RTN4RL1: variants seen among roughly 807,000 people sequenced by gnomAD.
RTN4RL1 encodes reticulon-4 receptor-like 1.
A neutral mutation model predicts 25.6 loss-of-function variants in RTN4RL1; 7 were observed. That is an observed-to-expected ratio of 0.27 (90% CI 0.16 to 0.51). RTN4RL1 has a LOEUF of 0.51. RTN4RL1 is among the 20% of genes least tolerant of loss of function. The pLI is 0.97. For synonymous variants in RTN4RL1, 297 were observed against 288.2 expected, an observed-to-expected ratio of 1.03 and a Z score of -0.31; for missense variants, 500 against 615.6, an observed-to-expected ratio of 0.81 and a Z score of 1.99.
chr17:1,964,945 C>T (rs866479108), intron 1 of RTN4RL1, among the ~76,000 whole-genome samples: 2 of 149,290 alleles, frequency 1.3e-5, no homozygotes, highest in Non-Finnish European at 3.0e-5. Flanking sequence ...TGCGCCACCA[C>T]GCCTGGCTAA....
intron 1 of RTN4RL1, among the ~76,000 whole-genome samples, chr17:1,978,636 G>T (rs1032299412): frequency 1.3e-5 from 2 of 152,090 alleles, no homozygotes; most frequent in Non-Finnish European, 2.9e-5. Context: ...CGGAAAATGG[G>T]GGGGGTGGAG....
chr17:2,002,055 G>A (rs1467436533), intron 1 of RTN4RL1, among the ~76,000 whole-genome samples: 4 of 151,430 alleles, frequency 2.6e-5, no homozygotes, highest in African/African-American at 4.9e-5. Context: ...GAGAGACGCA[G>A]GGAGCTGACA....
chr17:1,961,663 C>T (rs2066761978), intron 1 of RTN4RL1, among the ~76,000 whole-genome samples: 1 of 150,934 alleles, frequency 6.6e-6, no homozygotes, highest in African/African-American at 2.4e-5. Flanking sequence ...CGCGGTGGCT[C>T]ATGCCTGTAA....
intron 1 of RTN4RL1, among the ~76,000 whole-genome samples, chr17:1,940,814 TCTGCCAC>T (rs1915423592): frequency 6.6e-6 from 1 of 152,116 alleles, no homozygotes; most frequent in South Asian, 2.1e-4. Context: ...GCCGCCCCGC[TCTGCCAC>T]CCTGAGGGAG....
chr17:1,972,335 T>TAAAA (rs11400196), intron 1 of RTN4RL1, among the ~76,000 whole-genome samples: 3 of 148,680 alleles, frequency 2.0e-5, no homozygotes, highest in Non-Finnish European at 3.0e-5. Flanking sequence ...AATAAAAATT[T>TAAAA]AAAAAAAAAA....
rs1915280268 is a variant in RTN4RL1, at chr17:1,935,698, A to T, written c.*798T>A. On this transcript the variant is annotated 3_prime_UTR_variant, in exon 2 of 2. Coordinates refer to ENST00000331238, the MANE Select transcript of RTN4RL1 (RefSeq NM_178568.4). ...AGTTAGGTAACGGAGTGGGAGGGGG[A>T]CTGTGCATTTGTGTATATATATATA... The T allele has an allele frequency of 2.9e-6, 2 of 697,466 alleles. No individual in the cohort carries two copies. Among genetic ancestry groups the T allele is most frequent in the African/African-American group, 2.6e-5 (1 of 38,294 alleles). The allele number at this position is 697,466 out of a possible 1,614,324, so 43.2% of individuals were successfully genotyped here. A position where few individuals can be genotyped will look rare whatever the true frequency, so the allele number is the denominator to read the frequency against.
intron 1 of RTN4RL1, among the ~76,000 whole-genome samples, chr17:2,002,778 A>C (rs1172563414): frequency 6.6e-6 from 1 of 152,088 alleles, no homozygotes; most frequent in African/African-American, 2.4e-5. Context: ...GGGCAGAGGG[A>C]AAGTCAGGTC....
intron 1 of RTN4RL1, among the ~76,000 whole-genome samples, chr17:1,990,185 C>T (rs2066903243): frequency 6.6e-6 from 1 of 151,986 alleles, no homozygotes; most frequent in Non-Finnish European, 1.5e-5. Flanking sequence ...CACGGTGAAA[C>T]CCCATCTCTG....
rs1201821853 is a variant in RTN4RL1 at position 1,935,799 on chromosome 17, T to G, written c.*697A>C. The G allele has an allele frequency of 2.0e-6, 2 of 976,200 alleles. No homozygotes were observed. Among genetic ancestry groups the G allele is most frequent in the South Asian group, 4.8e-5 (1 of 20,968 alleles). The allele number at this position is 976,200 out of a possible 1,614,324, so 60.5% of individuals were successfully genotyped here. On this transcript the variant is annotated 3_prime_UTR_variant, in exon 2 of 2. Coordinates refer to ENST00000331238, the MANE Select transcript of RTN4RL1 (RefSeq NM_178568.4). ...AAGTGGACGTAGTTAGTTATAAAAC[T>G]GCACCTTCTGTGAGAACCTCATTGC...
chr17:2,023,074 T>A (rs1015553495), intron 1 of RTN4RL1, among the ~76,000 whole-genome samples: 2 of 152,280 alleles, frequency 1.3e-5, no homozygotes, highest in African/African-American at 4.8e-5. Flanking sequence ...TTTTTAACTA[T>A]AAACTGCCAA....
intron 1 of RTN4RL1, among the ~76,000 whole-genome samples, chr17:1,960,346 T>A (rs902873469): frequency 6.6e-6 from 1 of 152,148 alleles, no homozygotes; most frequent in African/African-American, 2.4e-5. Context: ...ATCATGTTAC[T>A]TTCCTGCTCG....
Position 2,025,182 on chromosome 17 carries a change from G to C in RTN4RL1, c.-317C>G. On this transcript the variant is annotated 5_prime_UTR_variant, in exon 1 of 2. Transcript: ENST00000331238. The surrounding 1 kb of genome is among the most constrained non-coding windows in gnomAD (Gnocchi z 4.8). ...CCCGGAGCACTTCGCAGGCGGTTTT[G>C]AGGGGGGACGCCGCCCCCTGGCCGG... is the stretch of plus-strand genomic sequence containing the variant. 1 of 250,608 alleles carries C rather than the reference G, an allele frequency of 4.0e-6. No individual in the cohort carries two copies. The highest frequency in any genetic ancestry group is 7.6e-6 in the Non-Finnish European group (1 of 131,342). The allele number at this position is 250,608 out of a possible 1,614,324, so 15.5% of individuals were successfully genotyped here.
intron 1 of RTN4RL1, among the ~76,000 whole-genome samples, chr17:1,997,700 C>G (rs1289001848): frequency 1.3e-5 from 2 of 152,166 alleles, no homozygotes; most frequent in Non-Finnish European, 2.9e-5. Context: ...CAGCCTCCCT[C>G]TAGGGCACCC....
At chr17:1,941,148 T>C (rs994549629) in intron 1 of RTN4RL1, among the ~76,000 whole-genome samples, 2 of 152,152 alleles carry the variant, frequency 1.3e-5, no homozygotes, top group Non-Finnish European at 2.9e-5. Flanking sequence ...TGGCTATCTC[T>C]GTAAGGTCCA....
chr17:1,961,696 T>A (rs1345788129), intron 1 of RTN4RL1, among the ~76,000 whole-genome samples: 1 of 141,148 alleles, frequency 7.1e-6, no homozygotes, highest in Non-Finnish European at 1.5e-5. Context: ...GGGAGGCCGA[T>A]GCGGGCAGAT....
chr17:1,936,065 C>T lies in RTN4RL1; in HGVS notation c.*431G>A, dbSNP rs1405991956. On this transcript the variant is annotated 3_prime_UTR_variant, in exon 2 of 2. Coordinates refer to ENST00000331238, the MANE Select transcript of RTN4RL1 (RefSeq NM_178568.4). The stretch of plus-strand genomic sequence containing the variant: ...GCCCAGACTGCTGGCCACCCAGCCT[C>T]GTGGGTGAGCCTCATTTGTTCTTCT... 20 of 996,770 alleles carry T rather than the reference C, an allele frequency of 2.0e-5. No individual in the cohort carries two copies. Among genetic ancestry groups the T allele is most frequent in the Non-Finnish European group, 2.3e-5 (19 of 837,176 alleles). 61.7% of individuals were successfully genotyped at this position (996,770 alleles called of 1,614,324 possible). A position where few individuals can be genotyped will look rare whatever the true frequency, so the allele number is the denominator to read the frequency against.
chr17:1,979,415 T>C (rs1181486710), intron 1 of RTN4RL1, among the ~76,000 whole-genome samples: 9 of 151,850 alleles, frequency 5.9e-5, no homozygotes, highest in Admixed American at 3.9e-4. Flanking sequence ...AGGTCAAGGC[T>C]GCAATGAGCT....
intron 1 of RTN4RL1, among the ~76,000 whole-genome samples, chr17:1,983,010 G>A (rs2066873948): frequency 6.6e-6 from 1 of 152,094 alleles, no homozygotes; most frequent in Non-Finnish European, 1.5e-5. Context: ...GGGCCATTTG[G>A]TGGTGGAGCT....
rs58785478 is a variant in RTN4RL1 at position 1,935,711 on chromosome 17, GTATATATATATA to G, written c.*773_*784del. 1,446 of 159,752 alleles carry G rather than the reference GTATATATATATA, an allele frequency of 9.1e-3. 142 individuals are homozygous for G. The highest frequency in any genetic ancestry group is 0.025 in the Middle Eastern group (6 of 244). The allele number at this position is 159,752 out of a possible 1,614,324, so 9.9% of individuals were successfully genotyped here. Reference sequence around the variant, plus strand: ...AGTGGGAGGGGGACTGTGCATTTGTGTATATATATATATATATATATATATATATATATATAT... The same window carrying G: ...AGTGGGAGGGGGACTGTGCATTTGTGTATATATATATATATATATATATAT... On this transcript the variant is annotated 3_prime_UTR_variant, in exon 2 of 2. Transcript: ENST00000331238.
Sources: gnomAD v4.1 joint callset for allele counts (sites outside exome capture counted in the v4.1 genomes callset) on GRCh38, gnomAD v4.1.1 for gene constraint, Gnocchi (gnomAD v3.1) non-coding constraint, MANE v1.5 for transcripts, NCBI Gene and HGNC (gene_info 2026-07-23, HGNC 2026-07-21) for gene names.